The following RPL31 variants were observed in gnomAD, a reference collection of about 807,000 sequenced individuals.
The protein encoded by RPL31 is ribosomal protein L31, also known as large ribosomal subunit protein eL31.
For synonymous variants in RPL31, 51 were observed against 55.0 expected, an observed-to-expected ratio of 0.93 and a Z score of 0.32; for missense variants, 95 against 164.0, an observed-to-expected ratio of 0.58 and a Z score of 2.30.
At chr2:101,008,099 G>A (rs370459788), downstream of RPL31, 151 of 1,613,676 alleles carry the variant, frequency 9.4e-5, no homozygotes, top group Non-Finnish European at 1.1e-4. Flanking sequence ...GCTGAAGCCC[G>A]CAGCTCCTCC....
In RPL31 at chr2:101,006,454, G is replaced by T; in HGVS notation, c.*73G>T. On this transcript the variant is annotated 3_prime_UTR_variant, in exon 5 of 5. Coordinates refer to ENST00000264258, the MANE Select transcript of RPL31 (RefSeq NM_000993.5). ...TTGTTCTTTTTAGTTGCAACATAAT[G>T]TACTTGTATACCCTATCCTAATTAT... 4 of 1,391,494 alleles carry T rather than the reference G, an allele frequency of 2.9e-6. No individual in the cohort carries two copies. The highest frequency in any genetic ancestry group is 4.0e-6 in the Non-Finnish European group (4 of 1,000,834). 86.2% of individuals were successfully genotyped at this position (1,391,494 alleles called of 1,614,324 possible).
At chr2:101,011,449 G>A (rs544935478), downstream of RPL31, 32 of 1,613,890 alleles carry the variant, frequency 2.0e-5, no homozygotes, top group Non-Finnish European at 3.4e-6. Flanking sequence ...AGAGGTACGT[G>A]CCATTGGGTT....
intron 1 of RPL31, 153 bp downstream of exon 1, chr2:101,002,468 G>T: frequency 1.7e-6 from 1 of 575,056 alleles, no homozygotes; most frequent in Non-Finnish European, 3.2e-6. Flanking sequence ...GGCTCCCAGA[G>T]CCTGAGGAAG....
At chr2:101,017,731 C>A in intron 4 of RPL31, 2 of 998,468 alleles carry the variant, frequency 2.0e-6, no homozygotes, top group Non-Finnish European at 3.0e-6. Flanking sequence ...CACTTTATCA[C>A]AGGCAAGATA....
At chr2:101,002,927 T>C (rs1678594850) in intron 2 of RPL31, 119 bp downstream of exon 2, 4 of 728,054 alleles carry the variant, frequency 5.5e-6, no homozygotes, top group South Asian at 3.3e-5. Flanking sequence ...GTTTCATTCA[T>C]TGGCAATTTA....
At chr2:101,011,047 T>C, downstream of RPL31, 3 of 1,603,344 alleles carry the variant, frequency 1.9e-6, no homozygotes, top group Non-Finnish European at 2.6e-6. Flanking sequence ...AGGAAAACAA[T>C]ATGTGGTTTA....
chr2:101,018,850 A>G (rs1211409892), intron 4 of RPL31: 14 of 960,418 alleles, frequency 1.5e-5, no homozygotes, highest in Middle Eastern at 2.2e-4. Flanking sequence ...TGAAAGTCCA[A>G]TTAGTATAAT....
At chr2:101,004,356 A>G (rs1381436308) in intron 3 of RPL31, 73 bp downstream of exon 3, 19 of 1,533,826 alleles carry the variant, frequency 1.2e-5, no homozygotes, top group South Asian at 5.9e-5. Flanking sequence ...GCAAGAGCCC[A>G]TATCAGTTCA....
intron 4 of RPL31, among the ~76,000 whole-genome samples, chr2:101,017,315 AATAGT>A (rs1437701070): frequency 6.6e-6 from 1 of 152,162 alleles, no homozygotes; most frequent in Non-Finnish European, 1.5e-5. Context: ...AATAATGATA[AATAGT>A]ATAGTAATTA....
At chr2:101,008,797 G>A (rs1678949424), downstream of RPL31, among the ~76,000 whole-genome samples, 1 of 147,204 alleles carries the variant, frequency 6.8e-6, no homozygotes, top group Non-Finnish European at 1.5e-5. Context: ...GGCAACAAGA[G>A]TAAAACTTTG....
Position 101,004,067 on chromosome 2 carries a change from C to G in RPL31, c.108-91C>G, listed in dbSNP as rs766430205. On this transcript the variant is annotated intron_variant, in intron 2 of 4. Transcript: ENST00000264258. The stretch of plus-strand genomic sequence containing the variant: ...TAAGACATTGCTTAAAGTCAGTTTC[C>G]AGGAGCCTATCATCGACATTGAGGA... 27 of 1,434,884 alleles carry G rather than the reference C, an allele frequency of 1.9e-5. No homozygotes were observed. In the South Asian group the frequency reaches 3.5e-4, roughly 18 times the overall value. 88.9% of individuals were successfully genotyped at this position (1,434,884 alleles called of 1,614,324 possible). A position where few individuals can be genotyped will look rare whatever the true frequency, so the allele number is the denominator to read the frequency against.
chr2:101,016,809 TA>T (rs953325256), intron 4 of RPL31, among the ~76,000 whole-genome samples: 2 of 151,520 alleles, frequency 1.3e-5, no homozygotes, highest in Non-Finnish European at 2.9e-5. Context: ...TCATTCTCAG[TA>T]AACTATCACA....
chr2:101,004,319 G>A, intron 3 of RPL31, 36 bp downstream of exon 3: 1 of 1,611,010 alleles, frequency 6.2e-7, no homozygotes, highest in African/African-American at 1.3e-5. Flanking sequence ...GTGAACTTTT[G>A]CAATGACACC....
chr2:101,007,975 G>C (rs745340648), downstream of RPL31: 1 of 1,614,018 alleles, frequency 6.2e-7, no homozygotes, highest in Admixed American at 1.7e-5. Flanking sequence ...CAGAAGTGAA[G>C]CTAAAATATG....
intron 4 of RPL31, among the ~76,000 whole-genome samples, chr2:101,012,688 A>G (rs1203710296): frequency 6.6e-6 from 1 of 152,190 alleles, no homozygotes; most frequent in Non-Finnish European, 1.5e-5. Context: ...TGCGTGAAAT[A>G]TATCTCAATA....
chr2:101,015,485 A>T (rs912679740), intron 4 of RPL31, among the ~76,000 whole-genome samples: 1 of 152,068 alleles, frequency 6.6e-6, no homozygotes, highest in Non-Finnish European at 1.5e-5. Context: ...AAACTTTTTG[A>T]CTCTTTTGTA....
intron 3 of RPL31, chr2:101,005,320 T>G (rs1297161030): frequency 6.5e-6 from 1 of 152,716 alleles, no homozygotes; most frequent in Non-Finnish European, 1.5e-5. Context: ...ACACTGTTTT[T>G]TGTTCGTTTT....
chr2:101,012,216 C>G (rs901923869), downstream of RPL31, among the ~76,000 whole-genome samples: 1 of 152,268 alleles, frequency 6.6e-6, no homozygotes, highest in South Asian at 2.1e-4. Context: ...CATATACACC[C>G]AAGAGAACTG....
In RPL31 at chr2:101,006,360, A is replaced by G. The variant is rs779526487; in HGVS notation, c.357A>G (p.Thr119=). 1.2e-5 allele frequency: 20 copies of G among 1,610,758 alleles called. No individual in the cohort carries two copies. Among genetic ancestry groups the G allele is most frequent in the Admixed American group, 1.7e-5 (1 of 59,010 alleles). Residue 119 remains threonine (T), a synonymous_variant, in exon 5 of 5, where the codon ACA becomes ACG. Transcript: ENST00000264258. ...TTACTTCCTTTACAGATCTACAGACAGTCAATGTGGATGAGAACTAATCGC... is the reference window on the plus strand; with the variant it reads ...TTACTTCCTTTACAGATCTACAGACGGTCAATGTGGATGAGAACTAATCGC... The part of the protein sequence containing the change: ...VPVTTFKNLQ[T]VNVDEN
Sources: gnomAD v4.1 joint callset for allele counts (sites outside exome capture counted in the v4.1 genomes callset) on GRCh38, gnomAD v4.1.1 for gene constraint, MANE v1.5 for transcripts, NCBI Gene and HGNC (gene_info 2026-07-23, HGNC 2026-07-21) for gene names.